FBN1: variants seen among roughly 807,000 people sequenced by gnomAD.
The protein encoded by FBN1 is fibrillin 1.
FBN1 carries 29 observed loss-of-function variants against 365.1 expected under a neutral mutation model. The observed-to-expected ratio is 0.08, with a 90% CI of 0.06 to 0.11. The LOEUF (loss-of-function observed/expected upper bound fraction) is 0.11, where lower values mean the gene tolerates loss of function less well. Among genes scored for constraint, FBN1 ranks in the 10% least tolerant of loss-of-function variants. The pLI, the probability that FBN1 is intolerant of heterozygous loss-of-function variation, is 1.00. For missense variants in FBN1, 2,476 were observed against 3,703.2 expected (o/e 0.67, Z 8.60); for synonymous variants, 1,210 against 1,270.5 (o/e 0.95, Z 1.01).
At chr15:48,460,583 T>C (rs1566902667) in intron 42 of FBN1, among the ~76,000 whole-genome samples, 1 of 152,216 alleles carries the variant, frequency 6.6e-6, no homozygotes, top group Non-Finnish European at 1.5e-5. Context: ...CACATGAGTT[T>C]ACCTGTAGGA....
intron 6 of FBN1, among the ~76,000 whole-genome samples, chr15:48,577,158 G>T (rs2044354558): frequency 6.6e-6 from 1 of 151,802 alleles, no homozygotes; most frequent in Non-Finnish European, 1.5e-5. Context: ...TAACCCATGT[G>T]GTCCAGCCAA....
chr15:48,607,208 C>T (rs1196268739), intron 4 of FBN1, among the ~76,000 whole-genome samples: 1 of 151,520 alleles, frequency 6.6e-6, no homozygotes, highest in African/African-American at 2.4e-5. Flanking sequence ...AAGAGTAAAA[C>T]AGAATGAGAA....
intron 36 of FBN1, among the ~76,000 whole-genome samples, chr15:48,469,479 T>C (rs1597550082): frequency 1.3e-5 from 2 of 152,116 alleles, no homozygotes; most frequent in African/African-American, 4.8e-5. Flanking sequence ...ATTTAGGACA[T>C]GGGTTTTGGC....
intron 6 of FBN1, among the ~76,000 whole-genome samples, chr15:48,547,710 T>C (rs2044105134): frequency 6.8e-6 from 1 of 147,896 alleles, no homozygotes; most frequent in Non-Finnish European, 1.5e-5. Flanking sequence ...TGTTTGTATA[T>C]CTTCTCTCTT....
At chr15:48,544,320 C>G (rs1404315346) in intron 6 of FBN1, among the ~76,000 whole-genome samples, 1 of 152,088 alleles carries the variant, frequency 6.6e-6, no homozygotes, top group African/African-American at 2.4e-5. Flanking sequence ...AAGAATACAA[C>G]CTTTTGGCAA....
At chr15:48,426,475 TAAGG>T (rs966070495) in intron 58 of FBN1, among the ~76,000 whole-genome samples, 3 of 152,124 alleles carry the variant, frequency 2.0e-5, no homozygotes, top group African/African-American at 7.2e-5. Context: ...TGCAGCCTGC[TAAGG>T]AAGGGAGACC....
At chr15:48,412,497 G>A (rs1285427260) in intron 65 of FBN1, 72 bp downstream of exon 65, 4 of 1,528,298 alleles carry the variant, frequency 2.6e-6, no homozygotes. Context: ...GAGCATCCTT[G>A]GAGGAAACCA....
intron 44 of FBN1, among the ~76,000 whole-genome samples, chr15:48,454,720 C>T (rs2043226636): frequency 6.6e-6 from 1 of 152,206 alleles, no homozygotes; most frequent in African/African-American, 2.4e-5. Flanking sequence ...GTGGCAAATA[C>T]ATCAGCCGAT....
Position 48,452,605 on chromosome 15 carries a change from G to T in FBN1, c.5502C>A (p.Asp1834Glu). 1 of 1,614,190 alleles carries T rather than the reference G, an allele frequency of 6.2e-7. No homozygotes were observed. Among genetic ancestry groups the T allele is most frequent in the Non-Finnish European group, 8.5e-7 (1 of 1,180,016 alleles). Residue 1834 changes from aspartate (D) to glutamate (E), a missense_variant, in exon 45 of 66, where the codon GAC becomes GAA. Around this residue, in one of 5 missense-constraint regions of FBN1, gnomAD observed 1,780 missense variants for 2,840.8 expected, o/e 0.63. Transcript: ENST00000316623. ...CINTAGSYRC[D>E]CKPGYRFTST... ...AGGTGAAGCGGTAGCCGGGCTTACAGTCACAGCGGTAGCTGCCTGCAGTGT... is the reference window on the plus strand; with the variant it reads ...AGGTGAAGCGGTAGCCGGGCTTACATTCACAGCGGTAGCTGCCTGCAGTGT...
At chr15:48,536,283 G>A (rs1021015465) in intron 7 of FBN1, among the ~76,000 whole-genome samples, 2 of 152,168 alleles carry the variant, frequency 1.3e-5, no homozygotes, top group Non-Finnish European at 2.9e-5. Context: ...GGAAGCAAAT[G>A]CTGGAAAGAT....
intron 24 of FBN1, among the ~76,000 whole-genome samples, chr15:48,492,130 C>A (rs1445316089): frequency 6.6e-6 from 1 of 152,206 alleles, no homozygotes; most frequent in Non-Finnish European, 1.5e-5. Flanking sequence ...AAGACATGGG[C>A]TACAGTTTCC....
At chr15:48,637,627 C>T (rs997285536) in intron 2 of FBN1, among the ~76,000 whole-genome samples, 2 of 152,194 alleles carry the variant, frequency 1.3e-5, no homozygotes, top group African/African-American at 4.8e-5. Context: ...TTACTCCAAG[C>T]TCTAGTCTAT....
chr15:48,623,265 G>A lies in FBN1; in HGVS notation c.165-10173C>T, dbSNP rs148910492. Among the ~76,000 whole-genome samples the A allele has an allele frequency of 3.5e-3, 528 of 152,268 alleles. 9 individuals carry two copies. Among genetic ancestry groups the A allele is most frequent in the Admixed American group, 0.03 (464 of 15,292 alleles). On this transcript the variant is annotated intron_variant, in intron 2 of 65. Coordinates refer to ENST00000316623, the MANE Select transcript of FBN1 (RefSeq NM_000138.5). The stretch of plus-strand genomic sequence containing the variant: ...ATGCCACCGACATTAAAATCTGTGC[G>A]ATAGAATTATTTCTTATAAATTTAT...
intron 2 of FBN1, among the ~76,000 whole-genome samples, chr15:48,618,723 C>T (rs1284602775): frequency 2.0e-5 from 3 of 152,204 alleles, no homozygotes; most frequent in African/African-American, 7.2e-5. Flanking sequence ...GCAAGTGAAG[C>T]TTCCTCTGTA....
chr15:48,412,775 A>G (rs201126815), intron 64 of FBN1, 32 bp from the exon 65 acceptor site: 2 of 1,613,334 alleles, frequency 1.2e-6, no homozygotes, highest in East Asian at 2.2e-5. Flanking sequence ...GATGTTTTTC[A>G]TTAGAATGGG....
intron 9 of FBN1, among the ~76,000 whole-genome samples, chr15:48,521,393 C>T (rs1372687699): frequency 6.6e-6 from 1 of 152,020 alleles, no homozygotes; most frequent in Non-Finnish European, 1.5e-5. Flanking sequence ...TCAAGATTTC[C>T]TTTTGTCTTA....
chr15:48,621,995 C>T (rs1313089637), intron 2 of FBN1, among the ~76,000 whole-genome samples: 1 of 143,612 alleles, frequency 7.0e-6, no homozygotes, highest in African/African-American at 2.6e-5. Context: ...GAGACTCTGT[C>T]TCAAAAAAAA....
In FBN1 at chr15:48,427,763, T is replaced by C; in HGVS notation, c.7008A>G (p.Glu2336=). 6.2e-7 allele frequency: 1 copy of C among 1,613,920 alleles called. No individual in the cohort carries two copies. The highest frequency in any genetic ancestry group is 1.1e-5 in the South Asian group (1 of 91,044). The change falls in exon 58 of 66, where the codon GAA becomes GAG. Residue 2336 remains glutamate, a synonymous_variant. Transcript: ENST00000316623. The stretch of plus-strand genomic sequence containing the variant: ...GTAGCACCTCTGTGAAGCAGTACCC[T>C]TCCCGATTGTCTGGAAGGGACATTA... The part of the protein sequence containing the change: ...PNQDECLDNR[E]GYCFTEVLQN...
In FBN1 at chr15:48,411,188, G is replaced by C. The variant is rs1480715909; in HGVS notation, c.8418C>G (p.Ile2806Met). The change falls in exon 66 of 66, where the codon ATC becomes ATG. Residue 2806 changes from isoleucine to methionine, a missense_variant. By Grantham distance (10) the Ile-to-Met change is conservative. Transcript: ENST00000316623. Reference protein sequence around the residue: ...ESGNEDGFFKINQKEGISYLH... With the variant: ...ESGNEDGFFKMNQKEGISYLH... Reference sequence around the variant, plus strand: ...GGTAGCTGATCCCTTCCTTTTGGTTGATTTTAAAGAAGCCATCTTCATTTC... The same window carrying C: ...GGTAGCTGATCCCTTCCTTTTGGTTCATTTTAAAGAAGCCATCTTCATTTC... 6 of 1,613,976 alleles carry C rather than the reference G, an allele frequency of 3.7e-6. No individual in the cohort carries two copies. The highest frequency in any genetic ancestry group is 5.1e-6 in the Non-Finnish European group (6 of 1,179,964).
Sources: allele counts gnomAD v4.1 joint callset (sites outside exome capture counted in the v4.1 genomes callset), GRCh38; gene constraint gnomAD v4.1.1; regional missense constraint gnomAD v4.1.1; transcripts MANE v1.5; gene names NCBI Gene and HGNC (gene_info 2026-07-23, HGNC 2026-07-21).